Variants in GALNT13 observed in about 807,000 individuals in gnomAD.
The protein encoded by GALNT13 is polypeptide N-acetylgalactosaminyltransferase 13.
GALNT13 carries 28 observed loss-of-function variants against 64.2 expected under a neutral mutation model. The observed-to-expected ratio is 0.44, with a 90% CI of 0.32 to 0.60. The LOEUF is 0.60. Ranked by LOEUF, GALNT13 falls within the 20% of genes least tolerant of loss-of-function variation. GALNT13 has a pLI of 0.05. For missense variants in GALNT13, 577 were observed against 669.8 expected (o/e 0.86, Z 1.53); for synonymous variants, 214 against 224.6 (o/e 0.95, Z 0.42).
At chr2:154,286,110 T>G (rs1036264903) in intron 8 of GALNT13, among the ~76,000 whole-genome samples, 3 of 152,222 alleles carry the variant, frequency 2.0e-5, no homozygotes, top group Admixed American at 1.3e-4. Context: ...TTTCTGCATA[T>G]AAGATCGTGT....
chr2:153,848,408 T>C, the GALNT13 span, among the ~76,000 whole-genome samples: 1 of 152,162 alleles, frequency 6.6e-6, no homozygotes, highest in Non-Finnish European at 1.5e-5. Flanking sequence ...AAAATCAGTC[T>C]CTAAGATTCT....
At chr2:153,940,724 C>T (rs1691284473) in intron 2 of GALNT13, among the ~76,000 whole-genome samples, 1 of 152,120 alleles carries the variant, frequency 6.6e-6, no homozygotes, top group Non-Finnish European at 1.5e-5. Context: ...CTATTTAAAA[C>T]ATTTAAAGTA....
chr2:154,161,820 G>T (rs1161048764), intron 4 of GALNT13, among the ~76,000 whole-genome samples: 1 of 149,452 alleles, frequency 6.7e-6, no homozygotes, highest in East Asian at 2.0e-4. Context: ...TCGCTCTGTT[G>T]CCCAGGCTAG....
At chr2:153,843,808 T>A in the GALNT13 span, among the ~76,000 whole-genome samples, 2 of 152,182 alleles carry the variant, frequency 1.3e-5, no homozygotes, top group East Asian at 3.9e-4. Flanking sequence ...ACAGGCCCCA[T>A]GCAAGTTTTA....
At position 154,433,665 on chromosome 2, in the gene GALNT13, A is replaced by G. The variant is rs995814343; in HGVS notation, c.1396-4927A>G. On this transcript the variant is annotated intron_variant, in intron 11 of 12. Coordinates refer to ENST00000392825, the MANE Select transcript of GALNT13 (RefSeq NM_052917.4). ...AGAAGGGGGAATTATTTGATATTAC[A>G]TTACATTTAGAGTTTTGATTAGTAC... Among the ~76,000 whole-genome samples the G allele has an allele frequency of 4.0e-5, 6 of 151,788 alleles. No individual in the cohort carries two copies. In the East Asian group the frequency reaches 1.2e-3, roughly 30 times the overall value.
the GALNT13 span, among the ~76,000 whole-genome samples, chr2:153,728,841 C>G: frequency 3.9e-5 from 6 of 152,170 alleles, no homozygotes; most frequent in African/African-American, 1.4e-4. Context: ...AAACTACCAT[C>G]AGAGAATACT....
chr2:154,419,617 C>T (rs1434662936), intron 11 of GALNT13, among the ~76,000 whole-genome samples: 1 of 152,128 alleles, frequency 6.6e-6, no homozygotes, highest in African/African-American at 2.4e-5. Flanking sequence ...ACAACTTTGG[C>T]TCTATGCTTT....
chr2:153,774,163 T>G, the GALNT13 span, among the ~76,000 whole-genome samples: 1 of 152,088 alleles, frequency 6.6e-6, no homozygotes, highest in Non-Finnish European at 1.5e-5. Flanking sequence ...TTTAATCATG[T>G]ATATAAAGAA....
chr2:153,327,030 G>A, the GALNT13 span, among the ~76,000 whole-genome samples: 2 of 152,102 alleles, frequency 1.3e-5, no homozygotes, highest in Non-Finnish European at 2.9e-5. Context: ...GTTGCAGTGA[G>A]CCGAGATAGG....
At chr2:153,183,411 A>G in the GALNT13 span, among the ~76,000 whole-genome samples, 1 of 151,984 alleles carries the variant, frequency 6.6e-6, no homozygotes, top group Non-Finnish European at 1.5e-5. Flanking sequence ...TTTTTCTCCC[A>G]TTCTGTGGGT....
intron 4 of GALNT13, among the ~76,000 whole-genome samples, chr2:154,142,570 A>G (rs796376336): frequency 5.6e-4 from 84 of 150,528 alleles, no homozygotes; most frequent in African/African-American, 1.9e-3. Context: ...AAAAAAAAAA[A>G]AAAGAAAGGA....
At chr2:154,450,030 A>C (rs761919460) in intron 12 of GALNT13, among the ~76,000 whole-genome samples, 54 of 152,014 alleles carry the variant, frequency 3.6e-4, no homozygotes, top group Non-Finnish European at 6.6e-4. Flanking sequence ...ATGTTTACCA[A>C]ATGGTTACTG....
intron 4 of GALNT13, among the ~76,000 whole-genome samples, chr2:154,213,898 C>T (rs934577190): frequency 1.1e-4 from 17 of 152,078 alleles, no homozygotes; most frequent in Non-Finnish European, 2.9e-5. Flanking sequence ...GTCATTCTCA[C>T]GTACTTCTCT....
At chr2:154,295,902 T>C (rs1375745928) in intron 8 of GALNT13, among the ~76,000 whole-genome samples, 1 of 152,166 alleles carries the variant, frequency 6.6e-6, no homozygotes, top group African/African-American at 2.4e-5. Context: ...CTTCATATGG[T>C]TCCACTTGCT....
At chr2:154,007,234 A>G (rs1461973732) in intron 3 of GALNT13, among the ~76,000 whole-genome samples, 1 of 152,156 alleles carries the variant, frequency 6.6e-6, no homozygotes, top group Non-Finnish European at 1.5e-5. Context: ...CTGACAGCCA[A>G]CAAGAAAACA....
chr2:153,673,738 A>G, the GALNT13 span, among the ~76,000 whole-genome samples: 1 of 152,224 alleles, frequency 6.6e-6, no homozygotes, highest in Non-Finnish European at 1.5e-5. Flanking sequence ...AATAAAGGTT[A>G]TTCAGTTAGG....
At chr2:154,015,612 A>G (rs1228877390) in intron 3 of GALNT13, among the ~76,000 whole-genome samples, 4 of 152,212 alleles carry the variant, frequency 2.6e-5, no homozygotes, top group South Asian at 2.1e-4. Flanking sequence ...TGTCCACTTG[A>G]AAATTTATGT....
the GALNT13 span, among the ~76,000 whole-genome samples, chr2:153,758,558 A>G: frequency 6.6e-6 from 1 of 152,202 alleles, no homozygotes; most frequent in East Asian, 1.9e-4. Context: ...ATTTTCATCA[A>G]TATGTAGATC....
chr2:154,247,636 A>G (rs1689850370), intron 7 of GALNT13, among the ~76,000 whole-genome samples: 1 of 152,102 alleles, frequency 6.6e-6, no homozygotes, highest in African/African-American at 2.4e-5. Context: ...GTAGAAATCA[A>G]TCATTATTAC....
Sources: gnomAD v4.1 joint callset for allele counts (sites outside exome capture counted in the v4.1 genomes callset) on GRCh38, gnomAD v4.1.1 for gene constraint, MANE v1.5 for transcripts, NCBI Gene and HGNC (gene_info 2026-07-23, HGNC 2026-07-21) for gene names.